The following SPRY3 variants were observed in gnomAD, a reference collection of about 807,000 sequenced individuals.
SPRY3 encodes the protein protein sprouty homolog 3.
A neutral mutation model predicts 20.2 loss-of-function variants in SPRY3; 15 were observed. The ratio of observed to expected loss-of-function variants is 0.74; its 90% CI spans 0.50 to 1.14. SPRY3 has a LOEUF of 1.14. Ranked by LOEUF, SPRY3 falls within the 50% of genes most tolerant of loss-of-function variation. SPRY3 has a pLI of 0.00. For synonymous variants in SPRY3, 143 were observed against 136.5 expected (o/e 1.05, Z -0.33); for missense variants, 364 against 363.9 (o/e 1.00, Z 0.00).
At chrX:155,720,978 A>G (rs1465046904) in intron 2 of SPRY3, among the ~76,000 whole-genome samples, 2 of 152,226 alleles carry the variant, frequency 1.3e-5, no homozygotes, top group African/African-American at 4.8e-5. Flanking sequence ...AAACAGAGAT[A>G]TCTGACTTTT....
chrX:155,778,516 G>A (rs2091443437), downstream of SPRY3: 1 of 134,672 alleles, frequency 7.4e-6, no homozygotes, highest in African/African-American at 3.7e-5. Context: ...ATTGGCCAGG[G>A]AAAACTAATT....
chrX:155,736,719 G>T (rs2091172423), intron 2 of SPRY3, among the ~76,000 whole-genome samples: 1 of 151,842 alleles, frequency 6.6e-6, no homozygotes, highest in South Asian at 2.1e-4. Context: ...GAGCTTCTTT[G>T]CATCTGTGGT....
At chrX:155,643,993 T>C (rs1343240737) in intron 1 of SPRY3, among the ~76,000 whole-genome samples, 1 of 111,527 alleles carries the variant, frequency 9.0e-6, no homozygotes, top group African/African-American at 3.3e-5. Flanking sequence ...AATGATTTCT[T>C]ATTGTTCACT....
At chrX:155,750,379 G>A (rs771440654) in intron 2 of SPRY3, among the ~76,000 whole-genome samples, 11 of 151,672 alleles carry the variant, frequency 7.3e-5, no homozygotes, top group South Asian at 4.2e-4. Context: ...TCAGCATCAC[G>A]CAATATACTC....
exon 4 of SPRY3, chrX:155,774,173 C>A: frequency 4.3e-6 from 7 of 1,614,000 alleles, no homozygotes; most frequent in Non-Finnish European, 5.1e-6. Context: ...AGGCTCTTGG[C>A]CAGCATTACA....
downstream of SPRY3, chrX:155,777,036 C>G: frequency 6.0e-6 from 1 of 167,112 alleles, no homozygotes; most frequent in East Asian, 1.9e-4. Context: ...TACCTGTAAC[C>G]TCTTATGTTG....
At chrX:155,677,026 A>T (rs2068060475) in intron 2 of SPRY3, among the ~76,000 whole-genome samples, 1 of 111,463 alleles carries the variant, frequency 9.0e-6, no homozygotes, top group East Asian at 2.8e-4. Flanking sequence ...GTATTCTTTC[A>T]GTCAGTTCGG....
intron 2 of SPRY3, among the ~76,000 whole-genome samples, chrX:155,673,634 G>A (rs1557355016): frequency 8.9e-6 from 1 of 111,808 alleles, no homozygotes; most frequent in African/African-American, 3.2e-5. Flanking sequence ...CCCTCTTATA[G>A]CATCTCATCC....
intron 2 of SPRY3, among the ~76,000 whole-genome samples, chrX:155,680,496 C>T (rs1468293458): frequency 9.0e-6 from 1 of 110,678 alleles, no homozygotes; most frequent in Non-Finnish European, 1.9e-5. Flanking sequence ...GTCATTTTGA[C>T]TTGGCTGATG....
intron 2 of SPRY3, among the ~76,000 whole-genome samples, chrX:155,762,496 A>G (rs1413559686): frequency 6.6e-6 from 1 of 151,774 alleles, no homozygotes; most frequent in Non-Finnish European, 1.5e-5. Flanking sequence ...AAACAATAAT[A>G]CCTGATTCAT....
At chrX:155,625,559 G>A (rs782163906) in intron 1 of SPRY3, among the ~76,000 whole-genome samples, 1 of 110,422 alleles carries the variant, frequency 9.1e-6, no homozygotes, top group East Asian at 2.8e-4. Context: ...TTGTTGAAGG[G>A]TTTTTTTGTT....
chrX:155,663,774 G>A, intron 2 of SPRY3, among the ~76,000 whole-genome samples: 1 of 110,920 alleles, frequency 9.0e-6, no homozygotes, highest in Non-Finnish European at 1.9e-5. Context: ...TCTGAGGTAT[G>A]CTAAAAGTTT....
chrX:155,723,279 A>C (rs1190927608), intron 2 of SPRY3, among the ~76,000 whole-genome samples: 2 of 152,106 alleles, frequency 1.3e-5, no homozygotes, highest in Non-Finnish European at 2.9e-5. Flanking sequence ...ATGATTTATA[A>C]TCCTTTAGGT....
intron 2 of SPRY3, among the ~76,000 whole-genome samples, chrX:155,754,259 T>C (rs1291655062): frequency 6.6e-6 from 1 of 152,034 alleles, no homozygotes; most frequent in Non-Finnish European, 1.5e-5. Context: ...GTTAATTTTT[T>C]GTACAGCATA....
At chrX:155,749,491 T>C (rs1265167357) in intron 2 of SPRY3, among the ~76,000 whole-genome samples, 1 of 151,664 alleles carries the variant, frequency 6.6e-6, no homozygotes, top group Non-Finnish European at 1.5e-5. Flanking sequence ...TCAAAGGAAG[T>C]GATGAGGTGA....
intron 2 of SPRY3, among the ~76,000 whole-genome samples, chrX:155,662,694 A>AAAAC (rs2068013850): frequency 9.2e-6 from 1 of 108,935 alleles, no homozygotes; most frequent in Admixed American, 9.9e-5. Context: ...AAAAAAAAAA[A>AAAAC]AAAAAAAAAC....
intron 1 of SPRY3, among the ~76,000 whole-genome samples, chrX:155,625,920 A>G (rs1428801756): frequency 1.1e-5 from 1 of 88,398 alleles, no homozygotes; most frequent in Non-Finnish European, 2.3e-5. Context: ...AGAGTATTTC[A>G]TTATATGGAT....
At chrX:155,708,198 C>A (rs1569381585) in intron 2 of SPRY3, among the ~76,000 whole-genome samples, 1 of 151,254 alleles carries the variant, frequency 6.6e-6, no homozygotes, top group Non-Finnish European at 1.5e-5. Flanking sequence ...TCTTATAGGG[C>A]TGATCTCTTA....
intron 1 of SPRY3, among the ~76,000 whole-genome samples, chrX:155,648,279 G>A (rs782158283): frequency 1.4e-4 from 16 of 112,280 alleles, no homozygotes; most frequent in South Asian, 7.3e-4. Flanking sequence ...AGTTTCTTTC[G>A]CTATGCAGAA....
Sources: allele counts gnomAD v4.1 joint callset (sites outside exome capture counted in the v4.1 genomes callset), GRCh38; gene constraint gnomAD v4.1.1; transcripts MANE v1.5; gene names NCBI Gene and HGNC (gene_info 2026-07-23, HGNC 2026-07-21).